The following SMG6 variants were observed in gnomAD, a reference collection of about 807,000 sequenced individuals.
The protein encoded by SMG6 is telomerase-binding protein EST1A.
SMG6 carries 66 observed loss-of-function variants against 142.2 expected under a neutral mutation model. That is an observed-to-expected ratio of 0.46 (90% confidence interval 0.38 to 0.57). SMG6 has a LOEUF of 0.57. Ranked by LOEUF, SMG6 falls within the 20% of genes least tolerant of loss-of-function variation. The pLI, the probability that SMG6 is intolerant of heterozygous loss-of-function variation, is 0.00. For missense variants in SMG6, 1,793 were observed against 1,832.0 expected (o/e 0.98, Z 0.39); for synonymous variants, 779 against 702.4 (o/e 1.11, Z -1.72).
chr17:2,260,100 A>T (rs1034124626), intron 8 of SMG6, among the ~76,000 whole-genome samples: 4 of 152,246 alleles, frequency 2.6e-5, no homozygotes, highest in African/African-American at 9.6e-5. Flanking sequence ...TCTGCTCTTT[A>T]TCAACAGAGG....
chr17:2,080,847 G>A (rs1355330989), intron 15 of SMG6, among the ~76,000 whole-genome samples: 1 of 152,148 alleles, frequency 6.6e-6, no homozygotes, highest in Admixed American at 6.5e-5. Context: ...ATGTTAGCCA[G>A]GATGGTCTCA....
chr17:2,164,156 C>A (rs181383062), intron 13 of SMG6, among the ~76,000 whole-genome samples: 53 of 151,826 alleles, frequency 3.5e-4, no homozygotes, highest in African/African-American at 1.1e-3. Flanking sequence ...GTGGCTCACA[C>A]CTGTAATCCC....
chr17:2,252,632 A>T (rs1276555949), intron 8 of SMG6, among the ~76,000 whole-genome samples: 2 of 152,228 alleles, frequency 1.3e-5, no homozygotes, highest in African/African-American at 4.8e-5. Flanking sequence ...AATGAGTGAG[A>T]TCAGTACTGC....
intron 13 of SMG6, among the ~76,000 whole-genome samples, chr17:2,134,559 G>A (rs2070232019): frequency 6.6e-6 from 1 of 151,796 alleles, no homozygotes; most frequent in Non-Finnish European, 1.5e-5. Context: ...ACTGAGATTG[G>A]AAAAGCAAGT....
chr17:2,252,129 G>A (rs945515829), intron 8 of SMG6, among the ~76,000 whole-genome samples: 1 of 150,176 alleles, frequency 6.7e-6, no homozygotes, highest in African/African-American at 2.5e-5. Flanking sequence ...AAGAAAAGAA[G>A]GAGGCCGGGC....
At chr17:2,262,244 G>A (rs906656819) in intron 8 of SMG6, among the ~76,000 whole-genome samples, 1 of 152,210 alleles carries the variant, frequency 6.6e-6, no homozygotes, top group African/African-American at 2.4e-5. Context: ...GCTGGGCTTG[G>A]CTCAGAAAGC....
chr17:2,236,748 CACA>C lies in SMG6; in HGVS notation c.2724-114_2724-112del, dbSNP rs2073672485. 1.2e-5 allele frequency: 12 copies of C among 979,446 alleles called. No homozygotes were observed. In the Admixed American group the frequency reaches 3.1e-4, roughly 25 times the overall value. The allele number at this position is 979,446 out of a possible 1,614,324, so 60.7% of individuals were successfully genotyped here. A position where few individuals can be genotyped will look rare whatever the true frequency, so the allele number is the denominator to read the frequency against. On this transcript the variant is annotated intron_variant, in intron 9 of 18. Transcript: ENST00000263073. The stretch of plus-strand genomic sequence containing the variant: ...ACACACACACACACACACACACACA[CACA>C]CCAGACAACTACTGCCTAGGACATT...
At chr17:2,133,721 T>C (rs1385292608) in intron 13 of SMG6, among the ~76,000 whole-genome samples, 1 of 152,218 alleles carries the variant, frequency 6.6e-6, no homozygotes, top group Admixed American at 6.5e-5. Context: ...GATACATTTC[T>C]GCCAGCCAGG....
chr17:2,235,616 A>G, intron 10 of SMG6: 1 of 152,718 alleles, frequency 6.5e-6, no homozygotes, highest in Non-Finnish European at 1.5e-5. Context: ...TCTTGCCCTG[A>G]GACCAAACAC....
chr17:2,289,095 A>T (rs1407429020), intron 6 of SMG6, among the ~76,000 whole-genome samples: 4 of 151,106 alleles, frequency 2.6e-5, no homozygotes, highest in Admixed American at 2.6e-4. Flanking sequence ...AAAAAAAAAA[A>T]AAAAATTAGC....
intron 13 of SMG6, among the ~76,000 whole-genome samples, chr17:2,144,151 C>T (rs1197309546): frequency 6.9e-6 from 1 of 145,278 alleles, no homozygotes; most frequent in Non-Finnish European, 1.5e-5. Context: ...GTCCGCCTCC[C>T]GGGTTCAAGT....
intron 13 of SMG6, among the ~76,000 whole-genome samples, chr17:2,121,333 T>C (rs1329069922): frequency 6.6e-6 from 1 of 152,108 alleles, no homozygotes; most frequent in Admixed American, 6.5e-5. Flanking sequence ...TACTAATATA[T>C]ACTAATATAT....
intron 8 of SMG6, among the ~76,000 whole-genome samples, chr17:2,270,038 A>C (rs1158197749): frequency 6.6e-6 from 1 of 152,136 alleles, no homozygotes; most frequent in African/African-American, 2.4e-5. Context: ...CAAAACGAAA[A>C]AAACAAAAAA....
intron 10 of SMG6, among the ~76,000 whole-genome samples, chr17:2,216,284 G>A (rs2073017413): frequency 1.3e-5 from 2 of 152,078 alleles, no homozygotes; most frequent in East Asian, 3.9e-4. Flanking sequence ...TGAGGTAATA[G>A]GAATTTTTTT....
chr17:2,114,529 T>C (rs1160660498), intron 13 of SMG6, among the ~76,000 whole-genome samples: 2 of 152,110 alleles, frequency 1.3e-5, no homozygotes, highest in African/African-American at 4.8e-5. Context: ...TTCAACCCTT[T>C]TCAGGCTGAG....
At chr17:2,244,588 T>C (rs1483451230) in intron 9 of SMG6, 70 bp downstream of exon 9, 9 of 1,262,892 alleles carry the variant, frequency 7.1e-6, no homozygotes, top group South Asian at 1.2e-5. Flanking sequence ...CACAGTCCAG[T>C]TGCTAACAAT....
At chr17:2,265,888 A>G (rs917329716) in intron 8 of SMG6, 2 of 633,034 alleles carry the variant, frequency 3.2e-6, no homozygotes, top group African/African-American at 2.0e-5. Context: ...TGCATATGAC[A>G]ATCTTAAAGA....
At chr17:2,184,255 T>C (rs946196212) in intron 12 of SMG6, among the ~76,000 whole-genome samples, 1 of 151,796 alleles carries the variant, frequency 6.6e-6, no homozygotes. Flanking sequence ...CCCAGCCACT[T>C]GGGAGGCTGA....
intron 9 of SMG6, among the ~76,000 whole-genome samples, chr17:2,243,891 T>C (rs931011437): frequency 6.6e-6 from 1 of 152,158 alleles, no homozygotes; most frequent in African/African-American, 2.4e-5. Context: ...CACCTACTAC[T>C]TTCTTCACTC....
Sources: gnomAD v4.1 joint callset for allele counts (sites outside exome capture counted in the v4.1 genomes callset) on GRCh38, gnomAD v4.1.1 for gene constraint, MANE v1.5 for transcripts, NCBI Gene and HGNC (gene_info 2026-07-23, HGNC 2026-07-21) for gene names.